The following CARM1 variants were observed in gnomAD, a reference collection of about 807,000 sequenced individuals.
CARM1 encodes histone-arginine methyltransferase CARM1.
CARM1 carries 14 observed loss-of-function variants against 72.7 expected under a neutral mutation model. That is an observed-to-expected ratio of 0.19 (90% CI 0.13 to 0.30). CARM1 has a LOEUF of 0.30. Among genes scored for constraint, CARM1 ranks in the 10% least tolerant of loss-of-function variants. The pLI is 1.00. For synonymous variants in CARM1, 333 were observed against 345.5 expected (o/e 0.96, Z 0.40); for missense variants, 432 against 833.7 (o/e 0.52, Z 5.93).
chr19:10,890,073 C>CCCCA (rs775953317), intron 1 of CARM1, among the ~76,000 whole-genome samples: 6 of 152,050 alleles, frequency 3.9e-5, no homozygotes, highest in Non-Finnish European at 5.9e-5. Flanking sequence ...CATAGCAAGA[C>CCCCA]CCCATCTCTA....
At chr19:10,901,535 G>C (rs1156576585) in intron 1 of CARM1, among the ~76,000 whole-genome samples, 3 of 151,980 alleles carry the variant, frequency 2.0e-5, no homozygotes, top group Non-Finnish European at 4.4e-5. Context: ...ATGTTGCCCA[G>C]GCTGACCTTG....
chr19:10,878,230 A>T (rs1266552574), intron 1 of CARM1, among the ~76,000 whole-genome samples: 1 of 152,212 alleles, frequency 6.6e-6, no homozygotes, highest in Non-Finnish European at 1.5e-5. Flanking sequence ...AACCCAATCC[A>T]CAAACAACAA....
chr19:10,921,492 G>C lies in CARM1; in HGVS notation c.1684+49G>C, dbSNP rs559898275. On this transcript the variant is annotated intron_variant, in intron 15 of 15. Coordinates refer to ENST00000327064, the MANE Select transcript of CARM1 (RefSeq NM_199141.2). Reference sequence around the variant, plus strand: ...GCCCGTGGGGGCCGAGCTAGCGTGTGAGTCGCCATCCTCTGTCCGGCCGCC... The same window carrying C: ...GCCCGTGGGGGCCGAGCTAGCGTGTCAGTCGCCATCCTCTGTCCGGCCGCC... 6 of 1,577,724 alleles carry C rather than the reference G, an allele frequency of 3.8e-6. No individual in the cohort carries two copies. In the East Asian group the frequency reaches 1.4e-4, roughly 36 times the overall value.
In CARM1 at chr19:10,871,634, G is replaced by T. The variant is rs1452581165; in HGVS notation, c.-69G>T. The T allele has an allele frequency of 6.5e-6, 1 of 152,772 alleles. No individual in the cohort carries two copies. Among genetic ancestry groups the T allele is most frequent in the Non-Finnish European group, 9.6e-6 (1 of 104,232 alleles). The allele number at this position is 152,772 out of a possible 1,614,324, so 9.5% of individuals were successfully genotyped here. A position where few individuals can be genotyped will look rare whatever the true frequency, so the allele number is the denominator to read the frequency against. On this transcript the variant is annotated 5_prime_UTR_variant, in exon 1 of 16. Transcript: ENST00000327064. This position sits in a 1 kb window ranked among gnomAD's most constrained non-coding sequence, Gnocchi z 5.6. ...CGGCGGCGGCGGCGGCGGCGGCGGC[G>T]GCGGCAGCGGCGGCGGCCTGGGCCC...
chr19:10,905,650 T>C (rs1487324705), intron 2 of CARM1, among the ~76,000 whole-genome samples: 1 of 152,104 alleles, frequency 6.6e-6, no homozygotes, highest in Admixed American at 6.5e-5. Context: ...AGTCCAGTGG[T>C]TGACACAGGT....
chr19:10,877,276 C>T (rs534330181), intron 1 of CARM1, among the ~76,000 whole-genome samples: 85 of 152,118 alleles, frequency 5.6e-4, no homozygotes, highest in African/African-American at 1.9e-3. Context: ...TAATGGATAC[C>T]GTCATTTATT....
Position 10,871,628 on chromosome 19 carries a change from G to GGCGGCGGCGGCGGCA in CARM1, c.-64_-63insGGCAGCGGCGGCGGC, listed in dbSNP as rs1440089165. On this transcript the variant is annotated 5_prime_UTR_variant, in exon 1 of 16. Transcript: ENST00000327064. The surrounding 1 kb of genome is among the most constrained non-coding windows in gnomAD (Gnocchi z 5.6). ...CGGCGGCGGCGGCGGCGGCGGCGGC[G>GGCGGCGGCGGCGGCA]GCGGCGGCGGCAGCGGCGGCGGCCT... 7.2e-6 allele frequency: 1 copy of GGCGGCGGCGGCGGCA among 138,886 alleles called. No homozygotes were observed. The highest frequency in any genetic ancestry group is 1.1e-4 in the Admixed American group (1 of 8,696). The allele number at this position is 138,886 out of a possible 1,614,324, so 8.6% of individuals were successfully genotyped here.
chr19:10,904,693 G>A (rs1299947070), intron 1 of CARM1, among the ~76,000 whole-genome samples: 1 of 152,234 alleles, frequency 6.6e-6, no homozygotes, highest in East Asian at 1.9e-4. Flanking sequence ...GCCCACCTCA[G>A]CCTTCACCAT....
At chr19:10,902,424 G>A (rs777547905) in intron 1 of CARM1, among the ~76,000 whole-genome samples, 7 of 150,908 alleles carry the variant, frequency 4.6e-5, no homozygotes, top group African/African-American at 9.7e-5. Context: ...CTCCTGAGTA[G>A]CTGGGACTAT....
chr19:10,890,663 A>G (rs540402966), intron 1 of CARM1, among the ~76,000 whole-genome samples: 4 of 150,348 alleles, frequency 2.7e-5, no homozygotes, highest in Non-Finnish European at 5.9e-5. Flanking sequence ...ATACGTATAT[A>G]TGTGTATACG....
intron 1 of CARM1, among the ~76,000 whole-genome samples, chr19:10,872,431 G>A (rs2073826283): frequency 6.6e-6 from 1 of 152,174 alleles, no homozygotes; most frequent in African/African-American, 2.4e-5. Flanking sequence ...GCGCCCGCGA[G>A]TACCGAGTTC....
rs1258727230 is a variant in CARM1, at chr19:10,896,116, G to A, written c.221-8835G>A. Among the ~76,000 whole-genome samples, 3 of 152,032 alleles carry A rather than the reference G, an allele frequency of 2.0e-5. No homozygotes were observed. The highest frequency in any genetic ancestry group is 4.4e-5 in the Non-Finnish European group (3 of 67,992). ...AGGCGGGTTGTGTTAGACACTGTGC[G>A]GCTTGAAGGGTGGACTGGGAGGTGA... On this transcript the variant is annotated intron_variant, in intron 1 of 15. Transcript: ENST00000327064. This position sits in a 1 kb window ranked among gnomAD's most constrained non-coding sequence, Gnocchi z 5.2.
intron 5 of CARM1, among the ~76,000 whole-genome samples, chr19:10,913,043 G>C (rs148347008): frequency 6.6e-6 from 1 of 152,094 alleles, no homozygotes; most frequent in Non-Finnish European, 1.5e-5. Flanking sequence ...AGTTGTCGAC[G>C]CAGGGTGGGG....
rs1399607087 is a variant in CARM1 at position 10,871,702 on chromosome 19, G to A, written c.-1G>A. ...CGGCGGGGCCTGGAGCCGGATCTAA[G>A]ATGGCAGCGGCGGCGGCGGCGGTGG... On this transcript the variant is annotated 5_prime_UTR_variant, in exon 1 of 16. Coordinates refer to ENST00000327064, the MANE Select transcript of CARM1 (RefSeq NM_199141.2). The surrounding 1 kb of genome is among the most constrained non-coding windows in gnomAD (Gnocchi z 5.6). The A allele has an allele frequency of 1.2e-6, 1 of 858,608 alleles. No individual in the cohort carries two copies. The highest frequency in any genetic ancestry group is 6.3e-5 in the Admixed American group (1 of 15,804). The allele number at this position is 858,608 out of a possible 1,614,324, so 53.2% of individuals were successfully genotyped here.
intron 1 of CARM1, among the ~76,000 whole-genome samples, chr19:10,888,064 C>T (rs926861794): frequency 6.6e-6 from 1 of 152,218 alleles, no homozygotes; most frequent in African/African-American, 2.4e-5. Flanking sequence ...TCATTCAGCC[C>T]GACCTTCCAG....
intron 1 of CARM1, among the ~76,000 whole-genome samples, chr19:10,873,097 G>A (rs1038424553): frequency 2.0e-5 from 3 of 151,944 alleles, no homozygotes; most frequent in Non-Finnish European, 2.9e-5. Context: ...GGGGAAGGAG[G>A]GTATTTCAGC....
At chr19:10,880,843 T>C (rs895614864) in intron 1 of CARM1, among the ~76,000 whole-genome samples, 10 of 147,934 alleles carry the variant, frequency 6.8e-5, no homozygotes, top group Non-Finnish European at 1.3e-4. Flanking sequence ...CTGGAGGTTT[T>C]CGTGGAGGGG....
At chr19:10,919,990 G>C in intron 10 of CARM1, 24 bp downstream of exon 10, 5 of 1,588,650 alleles carry the variant, frequency 3.1e-6, no homozygotes, top group Non-Finnish European at 4.3e-6. Context: ...AGCAGCCCAT[G>C]CTGCCTCCTC....
intron 3 of CARM1, chr19:10,908,555 A>G (rs1442019860): frequency 1.0e-5 from 2 of 191,488 alleles, no homozygotes; most frequent in Non-Finnish European, 2.2e-5. Flanking sequence ...TACAGATGAG[A>G]AAACTGAGGC....
Sources: allele counts gnomAD v4.1 joint callset (sites outside exome capture counted in the v4.1 genomes callset), GRCh38; gene constraint gnomAD v4.1.1; non-coding constraint Gnocchi (gnomAD v3.1); transcripts MANE v1.5; gene names NCBI Gene and HGNC (gene_info 2026-07-23, HGNC 2026-07-21).